The following AFF3 variants were observed in gnomAD, a reference collection of about 807,000 sequenced individuals.
AFF3 encodes the protein ALF transcription elongation factor 3, also known as AF4/FMR2 family member 3.
In AFF3, 32 loss-of-function variants were observed where a neutral mutation model predicts 129.7. That is an observed-to-expected ratio of 0.25 (90% confidence interval 0.19 to 0.33). AFF3 has a LOEUF of 0.33. Among genes scored for constraint, AFF3 ranks in the 10% least tolerant of loss-of-function variants. The pLI is 1.00. For missense variants in AFF3, 1,373 were observed against 1,592.0 expected (o/e 0.86, Z 2.34); for synonymous variants, 644 against 635.4 (o/e 1.01, Z -0.20).
At chr2:99,829,526 G>A (rs1007728957) in intron 8 of AFF3, among the ~76,000 whole-genome samples, 2 of 152,096 alleles carry the variant, frequency 1.3e-5, no homozygotes, top group Admixed American at 6.5e-5. Flanking sequence ...ACAAACATAT[G>A]AAAAAAAGCT....
chr2:99,657,060 T>C (rs1425958685), intron 12 of AFF3, among the ~76,000 whole-genome samples: 1 of 152,152 alleles, frequency 6.6e-6, no homozygotes, highest in Non-Finnish European at 1.5e-5. Context: ...TGAGGACTGC[T>C]CTGTGCAAAT....
intron 14 of AFF3, among the ~76,000 whole-genome samples, chr2:99,599,104 T>C (rs1276550849): frequency 6.6e-6 from 1 of 152,216 alleles, no homozygotes; most frequent in African/African-American, 2.4e-5. Context: ...TAGGAGGCTC[T>C]TGCCCCTCTC....
chr2:99,670,580 C>A (rs528300491), intron 12 of AFF3, among the ~76,000 whole-genome samples: 1 of 151,698 alleles, frequency 6.6e-6, no homozygotes. Flanking sequence ...ATGCTGCTTC[C>A]GGGATAAAGC....
chr2:100,139,760 C>CAA (rs373368758), intron 1 of AFF3, among the ~76,000 whole-genome samples: 1 of 151,030 alleles, frequency 6.6e-6, no homozygotes, highest in African/African-American at 2.4e-5. Flanking sequence ...CACTAATAAC[C>CAA]AAAAAAAAGG....
At chr2:99,699,138 T>G (rs1676586824) in intron 11 of AFF3, among the ~76,000 whole-genome samples, 1 of 152,202 alleles carries the variant, frequency 6.6e-6, no homozygotes. Context: ...GGATAACAGT[T>G]ATATAATATA....
chr2:99,702,055 T>G (rs1676919474), intron 11 of AFF3, among the ~76,000 whole-genome samples: 2 of 152,382 alleles, frequency 1.3e-5, no homozygotes, highest in Middle Eastern at 3.4e-3. Context: ...GGTTCTTGGC[T>G]ATTGCAAATA....
At chr2:99,636,517 C>T (rs1041985849) in intron 13 of AFF3, among the ~76,000 whole-genome samples, 1 of 152,192 alleles carries the variant, frequency 6.6e-6, no homozygotes, top group Non-Finnish European at 1.5e-5. Flanking sequence ...GGGATGAGAG[C>T]GGCAATGGGT....
intron 4 of AFF3, among the ~76,000 whole-genome samples, chr2:100,065,459 T>A (rs539742871): frequency 6.6e-6 from 1 of 152,310 alleles, no homozygotes; most frequent in East Asian, 1.9e-4. Flanking sequence ...GCCCTAAAGA[T>A]CATTATCTCT....
At chr2:99,581,379 A>G (rs950072427) in intron 17 of AFF3, among the ~76,000 whole-genome samples, 2 of 152,120 alleles carry the variant, frequency 1.3e-5, no homozygotes, top group Non-Finnish European at 2.9e-5. Flanking sequence ...GTGCACAAAA[A>G]AGGTTCATTT....
intron 11 of AFF3, among the ~76,000 whole-genome samples, chr2:99,688,605 G>A (rs1462683283): frequency 6.6e-6 from 1 of 151,970 alleles, no homozygotes; most frequent in African/African-American, 2.4e-5. Context: ...TCTGATTCTC[G>A]AGGCGCTCTT....
intron 4 of AFF3, among the ~76,000 whole-genome samples, chr2:100,016,620 A>C (rs111207452): frequency 1.6e-5 from 1 of 64,402 alleles, no homozygotes; most frequent in Admixed American, 1.4e-4. Flanking sequence ...GGTAATGGTG[A>C]TGGTGGTGGT....
At chr2:99,799,190 A>G (rs963799898) in intron 8 of AFF3, among the ~76,000 whole-genome samples, 3 of 152,082 alleles carry the variant, frequency 2.0e-5, no homozygotes, top group African/African-American at 7.2e-5. Flanking sequence ...ATTAAAAACT[A>G]TAAAACACTG....
chr2:100,085,041 T>A (rs1314836663), intron 4 of AFF3, among the ~76,000 whole-genome samples: 1 of 152,150 alleles, frequency 6.6e-6, no homozygotes, highest in African/African-American at 2.4e-5. Flanking sequence ...AAATTATCAG[T>A]TTCTGTCTCA....
intron 4 of AFF3, among the ~76,000 whole-genome samples, chr2:100,087,933 C>T (rs569543817): frequency 6.7e-6 from 1 of 150,082 alleles, no homozygotes; most frequent in South Asian, 2.2e-4. Context: ...ATGACCATCT[C>T]AATACATGTA....
chr2:99,588,367 G>A (rs529115923), intron 15 of AFF3, among the ~76,000 whole-genome samples: 2 of 152,150 alleles, frequency 1.3e-5, no homozygotes, highest in South Asian at 2.1e-4. Flanking sequence ...TTGTAGAGAC[G>A]GGGCTTTGCC....
chr2:99,754,317 C>A (rs1048430160), intron 8 of AFF3, among the ~76,000 whole-genome samples: 1 of 152,196 alleles, frequency 6.6e-6, no homozygotes, highest in African/African-American at 2.4e-5. Context: ...GCTAATCAGC[C>A]ACTCAATAGC....
chr2:99,703,354 A>G (rs762876606), intron 11 of AFF3, among the ~76,000 whole-genome samples: 9 of 152,196 alleles, frequency 5.9e-5, no homozygotes, highest in Non-Finnish European at 7.3e-5. Context: ...GAGCATGTGA[A>G]TGATACGGTG....
At chr2:99,750,500 G>A (rs1396980566) in intron 9 of AFF3, among the ~76,000 whole-genome samples, 1 of 145,530 alleles carries the variant, frequency 6.9e-6, no homozygotes, top group Non-Finnish European at 1.5e-5. Flanking sequence ...CTGTAGCCTC[G>A]ACCTCCTGGG....
At chr2:100,115,243 A>G (rs894940649) in intron 2 of AFF3, among the ~76,000 whole-genome samples, 3 of 152,174 alleles carry the variant, frequency 2.0e-5, no homozygotes, top group African/African-American at 7.2e-5. Flanking sequence ...GTTTCCATGC[A>G]TGCTTAAAAA....
Sources: gnomAD v4.1 joint callset for allele counts (sites outside exome capture counted in the v4.1 genomes callset) on GRCh38, gnomAD v4.1.1 for gene constraint, MANE v1.5 for transcripts, NCBI Gene and HGNC (gene_info 2026-07-23, HGNC 2026-07-21) for gene names.